USH2A: variants seen among roughly 807,000 people sequenced by gnomAD.
The protein encoded by USH2A is usherin.
USH2A carries 443 observed loss-of-function variants against 538.9 expected under a neutral mutation model. The ratio of observed to expected loss-of-function variants is 0.82; its 90% confidence interval spans 0.76 to 0.89. The LOEUF is 0.89. Ranked by LOEUF, USH2A falls within the 40% of genes least tolerant of loss-of-function variation. USH2A has a pLI of 0.00. For missense variants in USH2A, 6,633 were observed against 6,324.8 expected (o/e 1.05, Z -1.65); for synonymous variants, 2,413 against 2,273.5 (o/e 1.06, Z -1.75).
chr1:216,228,329 GA>G (rs948694278), intron 14 of USH2A, among the ~76,000 whole-genome samples: 1 of 151,952 alleles, frequency 6.6e-6, no homozygotes, highest in African/African-American at 2.4e-5. Context: ...AGAAAAGGGA[GA>G]AAAATAGAAT....
chr1:215,714,705 T>G (rs540127441), intron 61 of USH2A, among the ~76,000 whole-genome samples: 33 of 152,322 alleles, frequency 2.2e-4, no homozygotes, highest in African/African-American at 7.9e-4. Flanking sequence ...TACAAACGTT[T>G]ATCTGGACTT....
At chr1:215,663,162 T>C (rs1298513805) in intron 64 of USH2A, among the ~76,000 whole-genome samples, 1 of 152,212 alleles carries the variant, frequency 6.6e-6, no homozygotes, top group Non-Finnish European at 1.5e-5. Flanking sequence ...TAACATTTTA[T>C]CAATGACTTG....
intron 13 of USH2A, among the ~76,000 whole-genome samples, chr1:216,237,173 C>G (rs1397654996): frequency 6.6e-6 from 1 of 152,114 alleles, no homozygotes; most frequent in Non-Finnish European, 1.5e-5. Flanking sequence ...TTCTAGACCC[C>G]TTCAATTTAC....
At chr1:216,099,798 G>A (rs12058364) in intron 21 of USH2A, among the ~76,000 whole-genome samples, 6,620 of 152,210 alleles carry the variant, frequency 0.043, 480 homozygotes, top group African/African-American at 0.15. Flanking sequence ...AGATAAGGAA[G>A]GAAATCTGGG....
chr1:215,993,330 TAA>T (rs2102476982), intron 34 of USH2A, among the ~76,000 whole-genome samples, 163 bp from the exon 35 acceptor site: 1 of 152,354 alleles, frequency 6.6e-6, no homozygotes, highest in South Asian at 2.1e-4. Flanking sequence ...AACATTTATT[TAA>T]TTTGCTTTTT....
At chr1:215,874,510 A>G (rs1326930221) in intron 43 of USH2A, among the ~76,000 whole-genome samples, 3 of 152,200 alleles carry the variant, frequency 2.0e-5, no homozygotes, top group African/African-American at 7.2e-5. Context: ...TACTAGAATG[A>G]TCTGAAGTTC....
intron 21 of USH2A, among the ~76,000 whole-genome samples, chr1:216,159,099 A>G (rs1408084180): frequency 6.6e-6 from 1 of 152,150 alleles, no homozygotes; most frequent in African/African-American, 2.4e-5. Context: ...AATAGTTTAT[A>G]TATTATTTTG....
intron 52 of USH2A, among the ~76,000 whole-genome samples, chr1:215,785,138 C>T (rs1056295880): frequency 6.6e-6 from 1 of 152,102 alleles, no homozygotes; most frequent in Non-Finnish European, 1.5e-5. Context: ...CAAAAATGCC[C>T]TATTCATAAG....
At chr1:215,904,799 T>A (rs540227243) in intron 38 of USH2A, among the ~76,000 whole-genome samples, 1 of 152,168 alleles carries the variant, frequency 6.6e-6, no homozygotes, top group Non-Finnish European at 1.5e-5. Flanking sequence ...TCAAAGGAAG[T>A]GGGTTTTTAA....
At chr1:216,314,013 G>A (rs2037466170) in intron 9 of USH2A, among the ~76,000 whole-genome samples, 1 of 152,008 alleles carries the variant, frequency 6.6e-6, no homozygotes, top group Non-Finnish European at 1.5e-5. Context: ...GTGATTATTG[G>A]ATTCATTATA....
rs1311532384 is a variant in USH2A at position 216,199,154 on chromosome 1, G to C, written c.3811+473C>G. 2.6e-5 allele frequency among the ~76,000 whole-genome samples: 4 copies of C among 152,156 alleles called. No homozygotes were observed. In the East Asian group the frequency reaches 7.7e-4, roughly 29 times the overall value. ...ATTAAAAATCTGTGAATGTGTGTCT[G>C]GCCTATATAACCAAGGGTTCAAATG... On this transcript the variant is annotated intron_variant, in intron 17 of 71. Coordinates refer to ENST00000307340, the MANE Select transcript of USH2A (RefSeq NM_206933.4).
chr1:215,803,914 T>C (rs1209982489), intron 49 of USH2A, among the ~76,000 whole-genome samples: 1 of 152,156 alleles, frequency 6.6e-6, no homozygotes, highest in Non-Finnish European at 1.5e-5. Context: ...CAAAACAGCA[T>C]GGTACTGGTA....
chr1:216,391,616 A>G (rs1489412773), intron 3 of USH2A, among the ~76,000 whole-genome samples: 1 of 152,188 alleles, frequency 6.6e-6, no homozygotes, highest in African/African-American at 2.4e-5. Flanking sequence ...ATCTTAATAA[A>G]TAATAACCAG....
intron 38 of USH2A, among the ~76,000 whole-genome samples, chr1:215,914,575 T>C (rs1004856452): frequency 6.6e-6 from 1 of 152,170 alleles, no homozygotes; most frequent in African/African-American, 2.4e-5. Context: ...TTTATTGTCC[T>C]AGTTTTTGTT....
chr1:215,898,469 A>G (rs772267704), intron 40 of USH2A, among the ~76,000 whole-genome samples: 1 of 151,908 alleles, frequency 6.6e-6, no homozygotes, highest in Non-Finnish European at 1.5e-5. Context: ...TTTATGTGCT[A>G]CCTCCCTGCC....
At chr1:215,701,992 G>A (rs1350291167) in intron 61 of USH2A, among the ~76,000 whole-genome samples, 3 of 152,192 alleles carry the variant, frequency 2.0e-5, no homozygotes, top group African/African-American at 7.2e-5. Context: ...TCCTTCAGAA[G>A]CTCTTGTAAT....
At chr1:216,129,382 G>A (rs1223396524) in intron 21 of USH2A, among the ~76,000 whole-genome samples, 1 of 151,972 alleles carries the variant, frequency 6.6e-6, no homozygotes, top group East Asian at 1.9e-4. Context: ...GTGTAGAAGA[G>A]TTTCCCTCAA....
intron 61 of USH2A, among the ~76,000 whole-genome samples, chr1:215,689,772 T>C (rs1422482726): frequency 6.6e-6 from 1 of 152,178 alleles, no homozygotes; most frequent in Non-Finnish European, 1.5e-5. Flanking sequence ...TGAACTCTGC[T>C]AACAACTTGA....
intron 40 of USH2A, among the ~76,000 whole-genome samples, chr1:215,897,901 C>T (rs1488176209): frequency 1.3e-5 from 2 of 152,188 alleles, no homozygotes; most frequent in Non-Finnish European, 2.9e-5. Flanking sequence ...GAGCTGTCAA[C>T]ATGGGTGGTT....
Sources: allele counts gnomAD v4.1 joint callset (sites outside exome capture counted in the v4.1 genomes callset), GRCh38; gene constraint gnomAD v4.1.1; transcripts MANE v1.5; gene names NCBI Gene and HGNC (gene_info 2026-07-23, HGNC 2026-07-21).